AGMO: variants seen among roughly 807,000 people sequenced by gnomAD.
AGMO encodes alkylglycerol monooxygenase.
A neutral mutation model predicts 60.2 loss-of-function variants in AGMO; 75 were observed. The observed-to-expected ratio is 1.25, with a 90% CI of 1.03 to 1.51. AGMO has a LOEUF of 1.51. Among genes scored for constraint, AGMO ranks in the 40% most tolerant of loss-of-function variants. AGMO has a pLI of 0.00. For synonymous variants in AGMO, 261 were observed against 177.1 expected (o/e 1.47, Z -3.76); for missense variants, 763 against 525.5 (o/e 1.45, Z -4.42).
intron 12 of AGMO, among the ~76,000 whole-genome samples, chr7:15,354,692 A>T (rs888103282): frequency 4.7e-5 from 7 of 150,046 alleles, no homozygotes; most frequent in Non-Finnish European, 8.9e-5. Context: ...GGATACTCAA[A>T]TTGAGTTAGA....
chr7:15,413,024 G>A (rs1780659136), intron 5 of AGMO, among the ~76,000 whole-genome samples: 1 of 152,048 alleles, frequency 6.6e-6, no homozygotes, highest in African/African-American at 2.4e-5. Context: ...AATTGAAGTA[G>A]ACCTGAATAT....
At chr7:15,249,945 T>C (rs886627749) in intron 12 of AGMO, among the ~76,000 whole-genome samples, 3 of 152,222 alleles carry the variant, frequency 2.0e-5, no homozygotes, top group Non-Finnish European at 4.4e-5. Flanking sequence ...TTTAAATCTT[T>C]ACTTAGAAAC....
chr7:15,153,850 A>AT, the AGMO span, among the ~76,000 whole-genome samples: 3 of 151,654 alleles, frequency 2.0e-5, no homozygotes, highest in South Asian at 2.1e-4. Flanking sequence ...TGAATGCTAC[A>AT]TTTTTTTTCT....
At chr7:15,372,736 CAG>C (rs1383993341) in intron 10 of AGMO, among the ~76,000 whole-genome samples, 1 of 152,070 alleles carries the variant, frequency 6.6e-6, no homozygotes, top group African/African-American at 2.4e-5. Context: ...TTTTTTATAA[CAG>C]GGAGGATTTT....
At chr7:15,275,711 G>A (rs185121898) in intron 12 of AGMO, among the ~76,000 whole-genome samples, 449 of 151,960 alleles carry the variant, frequency 3.0e-3, no homozygotes, top group African/African-American at 1.0e-2. Flanking sequence ...TATGAATCTG[G>A]GTTTTCTGGT....
At chr7:15,340,790 T>C (rs1192999985) in intron 12 of AGMO, among the ~76,000 whole-genome samples, 1 of 152,160 alleles carries the variant, frequency 6.6e-6, no homozygotes, top group Non-Finnish European at 1.5e-5. Flanking sequence ...AAACCTCTGC[T>C]AGGGCAGTGC....
At chr7:15,430,613 A>C (rs4416736) in intron 4 of AGMO, among the ~76,000 whole-genome samples, 93,986 of 143,278 alleles carry the variant, frequency 0.66, 31,361 homozygotes, top group Middle Eastern at 0.76. Context: ...TAAAAAAAAA[A>C]AACAACTGGT....
At chr7:15,379,427 T>A (rs530085707) in intron 10 of AGMO, among the ~76,000 whole-genome samples, 8 of 151,738 alleles carry the variant, frequency 5.3e-5, no homozygotes, top group Admixed American at 3.9e-4. Context: ...AACAAGGAGG[T>A]TATTATCAAT....
At position 15,306,812 on chromosome 7, in the gene AGMO, C is replaced by A. The variant is rs559965433; in HGVS notation, c.1263+58702G>T. On this transcript the variant is annotated intron_variant, in intron 12 of 12. Coordinates refer to ENST00000342526, the MANE Select transcript of AGMO (RefSeq NM_001004320.2). ...GCTAAGTATGCCACATTGGAAAGGG[C>A]TGTTGGAGAAACATAAATTATTCAG... is the stretch of plus-strand genomic sequence containing the variant. Among the ~76,000 whole-genome samples the A allele has an allele frequency of 1.1e-3, 167 of 151,974 alleles. 1 individual carries two copies. The highest frequency in any genetic ancestry group is 1.6e-3 in the Non-Finnish European group (107 of 67,908).
rs1784312485 is a variant in AGMO, at chr7:15,531,062, GTATA to G, written c.409+13706_409+13709del. ...TCTATATATATTCTATATATATTCT[GTATA>G]TATTCTATATATATTCTATATATAT... On this transcript the variant is annotated intron_variant, in intron 3 of 12. Transcript: ENST00000342526. 3.2e-4 allele frequency among the ~76,000 whole-genome samples: 5 copies of G among 15,516 alleles called. No homozygotes were observed. In the Admixed American group the frequency reaches 3.8e-3, roughly 12 times the overall value. 10.2% of individuals were successfully genotyped at this position (15,516 alleles called of 152,430 possible).
Position 15,266,496 on chromosome 7 carries a change from TC to T in AGMO, c.1264-65138del, listed in dbSNP as rs537704333. On this transcript the variant is annotated intron_variant, in intron 12 of 12. Coordinates refer to ENST00000342526, the MANE Select transcript of AGMO (RefSeq NM_001004320.2). ...TAAAATTTTACTAAATGAAAGTGTT[TC>T]CCCCTGGACAATGCTTCATTTCTCT... Among the ~76,000 whole-genome samples the T allele has an allele frequency of 3.9e-5, 6 of 152,118 alleles. No individual in the cohort carries two copies. The East Asian group carries it at 1.2e-3, about 29-fold the overall frequency.
At chr7:15,317,580 CT>C (rs1780963819) in intron 12 of AGMO, among the ~76,000 whole-genome samples, 1 of 152,082 alleles carries the variant, frequency 6.6e-6, no homozygotes, top group South Asian at 2.1e-4. Flanking sequence ...TTTTAAACAC[CT>C]TTTAAATCCC....
At chr7:15,262,738 A>T (rs952510162) in intron 12 of AGMO, among the ~76,000 whole-genome samples, 12 of 152,170 alleles carry the variant, frequency 7.9e-5, no homozygotes, top group Admixed American at 7.2e-4. Context: ...ATGGGCACAT[A>T]TATCAATGGA....
intron 3 of AGMO, among the ~76,000 whole-genome samples, chr7:15,490,788 C>T (rs1783048544): frequency 6.6e-6 from 1 of 151,964 alleles, no homozygotes. Context: ...CAAAGTAAAC[C>T]TGAGGAGCAA....
chr7:15,452,535 T>C (rs1390318650), intron 3 of AGMO, among the ~76,000 whole-genome samples: 1 of 152,154 alleles, frequency 6.6e-6, no homozygotes, highest in Non-Finnish European at 1.5e-5. Flanking sequence ...CACAATTACA[T>C]ACCACTTTGC....
intron 5 of AGMO, among the ~76,000 whole-genome samples, chr7:15,403,039 C>T (rs902242024): frequency 6.6e-6 from 1 of 151,838 alleles, no homozygotes; most frequent in African/African-American, 2.4e-5. Context: ...AACAAGTTAC[C>T]TTTTCCACAT....
intron 12 of AGMO, among the ~76,000 whole-genome samples, chr7:15,331,176 G>A (rs1031302552): frequency 1.3e-5 from 2 of 152,124 alleles, no homozygotes; most frequent in African/African-American, 4.8e-5. Flanking sequence ...TCCTACTCTA[G>A]CCTTTAAATG....
At chr7:15,318,213 C>G (rs35848017) in intron 12 of AGMO, among the ~76,000 whole-genome samples, 1 of 151,462 alleles carries the variant, frequency 6.6e-6, no homozygotes, top group Non-Finnish European at 1.5e-5. Context: ...CTGTGTTGGC[C>G]AGGCTGGTCT....
At chr7:15,407,391 A>G (rs1784735683) in intron 5 of AGMO, among the ~76,000 whole-genome samples, 1 of 151,572 alleles carries the variant, frequency 6.6e-6, no homozygotes, top group African/African-American at 2.4e-5. Context: ...CAAGAAATGT[A>G]TAGGATTTCC....
Sources: allele counts gnomAD v4.1 joint callset (sites outside exome capture counted in the v4.1 genomes callset), GRCh38; gene constraint gnomAD v4.1.1; transcripts MANE v1.5; gene names NCBI Gene and HGNC (gene_info 2026-07-23, HGNC 2026-07-21).